The following MSI2 variants were observed in gnomAD, a reference collection of about 807,000 sequenced individuals.
MSI2 encodes the protein musashi RNA binding protein 2.
MSI2 carries 17 observed loss-of-function variants against 45.6 expected under a neutral mutation model. The observed-to-expected ratio is 0.37, with a 90% CI of 0.26 to 0.56. The LOEUF (loss-of-function observed/expected upper bound fraction) is 0.56, where lower values mean the gene tolerates loss of function less well. MSI2 is among the 20% of genes least tolerant of loss of function. MSI2 has a pLI of 0.77. For synonymous variants in MSI2, 156 were observed against 158.2 expected (o/e 0.99, Z 0.11); for missense variants, 293 against 444.2 (o/e 0.66, Z 3.06).
chr17:57,501,143 G>T (rs985495482), intron 6 of MSI2, among the ~76,000 whole-genome samples: 1 of 152,154 alleles, frequency 6.6e-6, no homozygotes, highest in African/African-American at 2.4e-5. Flanking sequence ...GCTCACCCAA[G>T]ATCGCCGTGT....
At chr17:57,567,706 G>C (rs72833092) in intron 7 of MSI2, among the ~76,000 whole-genome samples, 9 of 152,180 alleles carry the variant, frequency 5.9e-5, no homozygotes, top group Non-Finnish European at 1.0e-4. Context: ...TTGGGAAGTC[G>C]GGGGTCTTCC....
At chr17:57,412,098 C>T (rs113206892) in intron 6 of MSI2, among the ~76,000 whole-genome samples, 5,844 of 151,856 alleles carry the variant, frequency 0.038, 363 homozygotes, top group African/African-American at 0.13. Context: ...AGTATAGTGG[C>T]GCGACCTCAG....
At chr17:57,320,977 T>C (rs1419526567) in intron 5 of MSI2, among the ~76,000 whole-genome samples, 1 of 151,962 alleles carries the variant, frequency 6.6e-6, no homozygotes, top group African/African-American at 2.4e-5. Context: ...TCCCTCCTTG[T>C]TCCCCTCCTA....
At chr17:57,631,791 A>G (rs1349099095) in intron 10 of MSI2, 1 of 1,612,306 alleles carries the variant, frequency 6.2e-7, no homozygotes. Flanking sequence ...CACTTTGCAG[A>G]CTATTTGCCG....
At chr17:57,408,699 TA>T in intron 6 of MSI2, among the ~76,000 whole-genome samples, 1 of 152,090 alleles carries the variant, frequency 6.6e-6, no homozygotes, top group East Asian at 1.9e-4. Flanking sequence ...TAGGAGAAAA[TA>T]AAGCCTTTTT....
chr17:57,622,460 C>T lies in MSI2; in HGVS notation c.653-4769C>T, dbSNP rs376498209. On this transcript the variant is annotated intron_variant, in intron 9 of 13. Coordinates refer to ENST00000284073, the MANE Select transcript of MSI2 (RefSeq NM_138962.4). ...ATGCTGTTTATTTAACATGCTGATA[C>T]GAGTGTTAGAGAAATAGCACATTGC... Among the ~76,000 whole-genome samples the T allele has an allele frequency of 3.3e-5, 5 of 152,280 alleles. No individual in the cohort carries two copies. The South Asian group carries it at 6.2e-4, about 19-fold the overall frequency.
rs549387367 is a variant in MSI2 at position 57,642,596 on chromosome 17, C to T, written c.728-9503C>T. 2.0e-3 allele frequency among the ~76,000 whole-genome samples: 304 copies of T among 152,300 alleles called. 2 individuals are homozygous for T. The highest frequency in any genetic ancestry group is 6.6e-3 in the African/African-American group (276 of 41,560). On this transcript the variant is annotated intron_variant, in intron 10 of 13. Coordinates refer to ENST00000284073, the MANE Select transcript of MSI2 (RefSeq NM_138962.4). ...AGTTGTCTCTCCTTGGGCAGTTGATCTGTGTGCAGCCTGTCCTGGGACCCC... is the reference window on the plus strand; with the variant it reads ...AGTTGTCTCTCCTTGGGCAGTTGATTTGTGTGCAGCCTGTCCTGGGACCCC...
At chr17:57,618,583 C>T (rs187151079) in intron 9 of MSI2, among the ~76,000 whole-genome samples, 207 of 152,252 alleles carry the variant, frequency 1.4e-3, no homozygotes, top group Non-Finnish European at 2.6e-3. Context: ...CTCGCTCTGT[C>T]GCCAGGCTGG....
At chr17:57,307,528 G>A (rs1286831131) in intron 5 of MSI2, among the ~76,000 whole-genome samples, 1 of 151,946 alleles carries the variant, frequency 6.6e-6, no homozygotes, top group Non-Finnish European at 1.5e-5. Context: ...GGGTTCAAGC[G>A]ATTCTCTTGC....
chr17:57,624,878 C>T (rs140678127), intron 9 of MSI2, among the ~76,000 whole-genome samples: 1 of 152,324 alleles, frequency 6.6e-6, no homozygotes, highest in African/African-American at 2.4e-5. Flanking sequence ...TATCTTAAGT[C>T]GGGTTGCTGT....
intron 6 of MSI2, among the ~76,000 whole-genome samples, chr17:57,438,881 C>T (rs900304428): frequency 1.3e-5 from 2 of 151,612 alleles, no homozygotes; most frequent in African/African-American, 4.9e-5. Flanking sequence ...CTCACTGCAA[C>T]CCCCGCCTCC....
At chr17:57,573,453 G>T (rs2087931905) in intron 7 of MSI2, among the ~76,000 whole-genome samples, 4 of 152,066 alleles carry the variant, frequency 2.6e-5, no homozygotes, top group Admixed American at 2.6e-4. Context: ...ATAAGTTCTA[G>T]GCACAGGGAA....
chr17:57,363,663 T>C (rs1916983825), intron 5 of MSI2, among the ~76,000 whole-genome samples: 1 of 152,114 alleles, frequency 6.6e-6, no homozygotes, highest in Admixed American at 6.6e-5. Flanking sequence ...TGCTTGAGCC[T>C]GGGAGGCAGG....
At chr17:57,583,416 G>A (rs1367834215) in intron 7 of MSI2, among the ~76,000 whole-genome samples, 1 of 151,748 alleles carries the variant, frequency 6.6e-6, no homozygotes, top group African/African-American at 2.4e-5. Flanking sequence ...AAATGTTAGT[G>A]AAGCTGGAAT....
intron 5 of MSI2, among the ~76,000 whole-genome samples, chr17:57,371,024 A>G (rs985929616): frequency 1.3e-5 from 2 of 152,344 alleles, no homozygotes; most frequent in South Asian, 2.1e-4. Context: ...TCTTTTATAT[A>G]TGACGCATGC....
At chr17:57,336,817 A>G (rs1914726571) in intron 5 of MSI2, among the ~76,000 whole-genome samples, 1 of 152,166 alleles carries the variant, frequency 6.6e-6, no homozygotes, top group Non-Finnish European at 1.5e-5. Flanking sequence ...AGAATTTAGC[A>G]ACTTAAAATA....
At chr17:57,654,142 G>A (rs1034661926) in intron 11 of MSI2, among the ~76,000 whole-genome samples, 3 of 152,166 alleles carry the variant, frequency 2.0e-5, no homozygotes, top group Non-Finnish European at 2.9e-5. Context: ...TGCCCGCCCC[G>A]CCCCACAGGG....
intron 6 of MSI2, among the ~76,000 whole-genome samples, chr17:57,483,700 T>G (rs753161535): frequency 2.6e-5 from 4 of 152,230 alleles, no homozygotes; most frequent in Non-Finnish European, 5.9e-5. Context: ...GCTGTGTTGC[T>G]GGTTCTGCAA....
intron 7 of MSI2, among the ~76,000 whole-genome samples, chr17:57,561,511 C>T (rs1041467626): frequency 6.6e-6 from 1 of 152,208 alleles, no homozygotes; most frequent in African/African-American, 2.4e-5. Flanking sequence ...CTCCCACCTC[C>T]ACCCCCACCT....
Sources: allele counts gnomAD v4.1 joint callset (sites outside exome capture counted in the v4.1 genomes callset), GRCh38; gene constraint gnomAD v4.1.1; transcripts MANE v1.5; gene names NCBI Gene and HGNC (gene_info 2026-07-23, HGNC 2026-07-21).